The following VTI1A variants were observed in gnomAD, a reference collection of about 807,000 sequenced individuals.
The protein encoded by VTI1A is vesicle transport through interaction with t-SNAREs 1A.
In VTI1A, 22 loss-of-function variants were observed where a neutral mutation model predicts 34.9. The ratio of observed to expected loss-of-function variants is 0.63; its 90% CI spans 0.45 to 0.90. The LOEUF (loss-of-function observed/expected upper bound fraction) is 0.90, where lower values mean the gene tolerates loss of function less well. Ranked by LOEUF, VTI1A falls within the 40% of genes least tolerant of loss-of-function variation. The pLI is 0.00. For missense variants in VTI1A, 268 were observed against 275.6 expected (o/e 0.97, Z 0.20); for synonymous variants, 87 against 97.3 (o/e 0.89, Z 0.62).
intron 3 of VTI1A, among the ~76,000 whole-genome samples, chr10:112,494,816 ATCTT>A (rs1337798930): frequency 6.6e-6 from 1 of 152,146 alleles, no homozygotes; most frequent in Non-Finnish European, 1.5e-5. Context: ...ACCCAGCCAG[ATCTT>A]TCTTTCTTTC....
intron 7 of VTI1A, among the ~76,000 whole-genome samples, chr10:112,692,158 C>T (rs1848636175): frequency 6.6e-6 from 1 of 152,202 alleles, no homozygotes; most frequent in Admixed American, 6.5e-5. Flanking sequence ...TACAAACTCA[C>T]CACCCTAGAG....
At position 112,759,672 on chromosome 10, in the gene VTI1A, G is replaced by T. The variant is rs570421180; in HGVS notation, c.561-55618G>T. Among the ~76,000 whole-genome samples the T allele has an allele frequency of 4.6e-5, 7 of 152,242 alleles. No homozygotes were observed. The South Asian group carries it at 1.5e-3, about 32-fold the overall frequency. On this transcript the variant is annotated intron_variant, in intron 7 of 7. Coordinates refer to ENST00000393077, the MANE Select transcript of VTI1A (RefSeq NM_145206.4). ...CCATAACACCTACACAAAGTATGAA[G>T]GAATTCCGTTTTATTGGTTCAAGAA...
chr10:112,512,634 A>G (rs1334330532), intron 3 of VTI1A, among the ~76,000 whole-genome samples: 1 of 152,066 alleles, frequency 6.6e-6, no homozygotes, highest in Non-Finnish European at 1.5e-5. Context: ...CGATGTCCCC[A>G]ATAATTTTCC....
chr10:112,599,182 G>A (rs549614907), intron 5 of VTI1A, among the ~76,000 whole-genome samples: 82 of 152,282 alleles, frequency 5.4e-4, no homozygotes, highest in Admixed American at 1.1e-3. Flanking sequence ...CCCTCAAAAG[G>A]CCCGAAACAA....
intron 5 of VTI1A, among the ~76,000 whole-genome samples, chr10:112,608,925 C>CT (rs1398355425): frequency 6.6e-6 from 1 of 152,106 alleles, no homozygotes; most frequent in Non-Finnish European, 1.5e-5. Context: ...GTTCCTGTAG[C>CT]TATCATGAGA....
intron 5 of VTI1A, among the ~76,000 whole-genome samples, chr10:112,549,335 G>C (rs550569856): frequency 2.0e-5 from 3 of 152,220 alleles, no homozygotes; most frequent in Non-Finnish European, 4.4e-5. Flanking sequence ...GAGGTGCAGA[G>C]CTAGGGCCAG....
At chr10:112,826,920 A>G in the VTI1A span, 1 of 152,232 alleles carries the variant, frequency 6.6e-6, no homozygotes, top group South Asian at 2.1e-4. Context: ...GAATGCATGA[A>G]TGAATGAGTC....
intron 7 of VTI1A, among the ~76,000 whole-genome samples, chr10:112,791,833 C>T (rs1590188562): frequency 6.7e-6 from 1 of 148,504 alleles, no homozygotes; most frequent in Non-Finnish European, 1.5e-5. Flanking sequence ...AACAATATAA[C>T]TTTTTTTTTT....
At chr10:112,688,521 C>CTTTT (rs59853999) in intron 7 of VTI1A, among the ~76,000 whole-genome samples, 2 of 116,446 alleles carry the variant, frequency 1.7e-5, no homozygotes, top group East Asian at 2.5e-4. Flanking sequence ...CAATTTTTTT[C>CTTTT]TTTTTTTTTT....
chr10:112,751,330 T>C (rs1851095543), intron 7 of VTI1A, among the ~76,000 whole-genome samples: 1 of 152,114 alleles, frequency 6.6e-6, no homozygotes, highest in South Asian at 2.1e-4. Context: ...GAGAGCAGGC[T>C]ACTTGAGGGC....
chr10:112,666,270 C>T (rs1337572859), intron 5 of VTI1A, among the ~76,000 whole-genome samples: 1 of 152,104 alleles, frequency 6.6e-6, no homozygotes, highest in Non-Finnish European at 1.5e-5. Flanking sequence ...AGAGGAGCTA[C>T]TATACTGGGA....
At chr10:112,677,344 G>T (rs1047136980) in intron 7 of VTI1A, among the ~76,000 whole-genome samples, 5 of 152,150 alleles carry the variant, frequency 3.3e-5, no homozygotes, top group African/African-American at 9.7e-5. Context: ...CAGAAATGAT[G>T]CATCTTGTCC....
chr10:112,612,188 A>G (rs1050179570), intron 5 of VTI1A, among the ~76,000 whole-genome samples: 1 of 152,142 alleles, frequency 6.6e-6, no homozygotes, highest in Non-Finnish European at 1.5e-5. Context: ...GTCTACTCTC[A>G]TTTTCTATTA....
chr10:112,733,950 C>A (rs1850362705), intron 7 of VTI1A, among the ~76,000 whole-genome samples: 1 of 151,940 alleles, frequency 6.6e-6, no homozygotes, highest in Non-Finnish European at 1.5e-5. Flanking sequence ...CAGGGTTTCA[C>A]CATGTTGGTC....
intron 5 of VTI1A, among the ~76,000 whole-genome samples, chr10:112,574,864 G>A (rs1190586316): frequency 6.6e-6 from 1 of 152,194 alleles, no homozygotes; most frequent in East Asian, 1.9e-4. Context: ...GACTTGGCTG[G>A]TACTAGACTA....
At chr10:112,587,475 G>A (rs969089580) in intron 5 of VTI1A, among the ~76,000 whole-genome samples, 1 of 152,038 alleles carries the variant, frequency 6.6e-6, no homozygotes, top group African/African-American at 2.4e-5. Flanking sequence ...TAAATTAAAA[G>A]GACTCCTTTA....
intron 7 of VTI1A, among the ~76,000 whole-genome samples, chr10:112,749,396 T>G (rs1403534547): frequency 6.6e-5 from 10 of 152,202 alleles, no homozygotes; most frequent in Admixed American, 1.3e-4. Context: ...TGAATGAAGA[T>G]TGTCAAAAGT....
intron 5 of VTI1A, among the ~76,000 whole-genome samples, chr10:112,563,854 A>G (rs1014189092): frequency 9.2e-5 from 14 of 152,330 alleles, no homozygotes; most frequent in Admixed American, 2.6e-4. Context: ...TGGCTATTCT[A>G]CATGAGAATA....
At chr10:112,590,319 T>TAGAC (rs759828418) in intron 5 of VTI1A, among the ~76,000 whole-genome samples, 33 of 151,508 alleles carry the variant, frequency 2.2e-4, no homozygotes, top group Non-Finnish European at 4.3e-4. Flanking sequence ...GATAGATAGA[T>TAGAC]AGACAGACAG....
Sources: allele counts gnomAD v4.1 joint callset (sites outside exome capture counted in the v4.1 genomes callset), GRCh38; gene constraint gnomAD v4.1.1; transcripts MANE v1.5; gene names NCBI Gene and HGNC (gene_info 2026-07-23, HGNC 2026-07-21).